The following LATS2 variants were observed in gnomAD, a reference collection of about 807,000 sequenced individuals.
LATS2 encodes large tumor suppressor kinase 2.
LATS2 carries 24 observed loss-of-function variants against 76.0 expected under a neutral mutation model. The ratio of observed to expected loss-of-function variants is 0.32; its 90% CI spans 0.23 to 0.44. LATS2 has a LOEUF of 0.44. Ranked by LOEUF, LATS2 falls within the 20% of genes least tolerant of loss-of-function variation. The pLI is 1.00. For missense variants in LATS2, 1,286 were observed against 1,481.2 expected (o/e 0.87, Z 2.16); for synonymous variants, 692 against 635.4 (o/e 1.09, Z -1.34).
At chr13:21,012,201 A>G (rs1384094736) in intron 2 of LATS2, among the ~76,000 whole-genome samples, 1 of 152,228 alleles carries the variant, frequency 6.6e-6, no homozygotes, top group Non-Finnish European at 1.5e-5. Flanking sequence ...TATCATATAA[A>G]AGATTAAAAA....
chr13:21,018,259 G>A (rs1399119075), intron 2 of LATS2: 1 of 152,204 alleles, frequency 6.6e-6, no homozygotes, highest in South Asian at 2.1e-4. Flanking sequence ...ATAAGTGAAG[G>A]CAAGTTTCCT....
rs1367601934 is a variant in LATS2 at position 20,988,921 on chromosome 13, C to T, written c.859G>A (p.Ala287Thr). Residue 287 changes from alanine (A) to threonine (T), a missense_variant, in exon 4 of 8, where the codon GCC becomes ACC. Physicochemically the swap from Ala to Thr is moderately conservative, Grantham distance 58 (BLOSUM62 0). Transcript: ENST00000382592. ...SKTPPETGGY[A>T]SLPTKGQGGP... ...CCCTGGCCCTTCGTGGGCAGGCTGGCGTAACCCCCGGTCTCCGGCGGCGTC... is the reference window on the plus strand; with the variant it reads ...CCCTGGCCCTTCGTGGGCAGGCTGGTGTAACCCCCGGTCTCCGGCGGCGTC... 2.6e-6 allele frequency: 4 copies of T among 1,522,130 alleles called. No homozygotes were observed. The highest frequency in any genetic ancestry group is 4.1e-5 in the Admixed American group (2 of 49,126). 94.3% of individuals were successfully genotyped at this position (1,522,130 alleles called of 1,614,324 possible). A position where few individuals can be genotyped will look rare whatever the true frequency, so the allele number is the denominator to read the frequency against.
chr13:20,980,559 C>T (rs2138268945), intron 6 of LATS2, among the ~76,000 whole-genome samples: 1 of 152,276 alleles, frequency 6.6e-6, no homozygotes, highest in South Asian at 2.1e-4. Flanking sequence ...TCTCTCCGTC[C>T]CACCTCTTCC....
chr13:21,050,081 C>G (rs1873213262), intron 1 of LATS2, among the ~76,000 whole-genome samples: 1 of 148,958 alleles, frequency 6.7e-6, no homozygotes, highest in Non-Finnish European at 1.5e-5. Flanking sequence ...GATTGTGCCA[C>G]TGCACTCCAG....
At chr13:21,007,563 ATATAT>A (rs1240221093) in intron 2 of LATS2, among the ~76,000 whole-genome samples, 1 of 16,712 alleles carries the variant, frequency 6.0e-5, no homozygotes, top group Non-Finnish European at 8.1e-5. Flanking sequence ...ATATATATAT[ATATAT>A]ATATATATAT....
chr13:21,032,840 G>A (rs988612587), intron 2 of LATS2, among the ~76,000 whole-genome samples: 5 of 152,162 alleles, frequency 3.3e-5, no homozygotes, highest in African/African-American at 1.2e-4. Flanking sequence ...GGTGGACCAC[G>A]GCTGGCTGGG....
Position 20,980,016 on chromosome 13 carries a change from T to C in LATS2, c.2666-219A>G, listed in dbSNP as rs140406878. Among the ~76,000 whole-genome samples the C allele has an allele frequency of 4.7e-3, 721 of 152,330 alleles. 3 individuals carry two copies. The highest frequency in any genetic ancestry group is 0.024 in the Middle Eastern group (7 of 294). ...GCTTAGGTTTTTGTATTTTTAATCATTGTAATAAGAAAATACTTTTTAATT... is the reference window on the plus strand; with the variant it reads ...GCTTAGGTTTTTGTATTTTTAATCACTGTAATAAGAAAATACTTTTTAATT... On this transcript the variant is annotated intron_variant, in intron 6 of 7. Transcript: ENST00000382592.
At chr13:21,042,307 C>T (rs1412785682) in intron 2 of LATS2, among the ~76,000 whole-genome samples, 3 of 151,862 alleles carry the variant, frequency 2.0e-5, no homozygotes, top group Non-Finnish European at 1.5e-5. Context: ...AAAAATATAC[C>T]CAAACATGCT....
intron 1 of LATS2, among the ~76,000 whole-genome samples, chr13:21,051,705 TC>T (rs752428329): frequency 3.3e-4 from 50 of 152,184 alleles, no homozygotes; most frequent in Non-Finnish European, 3.2e-4. Flanking sequence ...ACACATGTAA[TC>T]CTGGCACTTT....
At chr13:20,999,094 C>T (rs1175234041) in intron 2 of LATS2, among the ~76,000 whole-genome samples, 2 of 152,274 alleles carry the variant, frequency 1.3e-5, no homozygotes, top group African/African-American at 4.8e-5. Flanking sequence ...TGGGCAGGCG[C>T]AGCACGTGCC....
intron 1 of LATS2, among the ~76,000 whole-genome samples, chr13:21,056,160 G>A (rs1424969150): frequency 6.6e-6 from 1 of 152,112 alleles, no homozygotes; most frequent in African/African-American, 2.4e-5. Flanking sequence ...GGGGGGGGCA[G>A]GGTCTCACTC....
At chr13:21,019,744 C>A (rs1289429401) in intron 2 of LATS2, among the ~76,000 whole-genome samples, 1 of 143,776 alleles carries the variant, frequency 7.0e-6, no homozygotes, top group African/African-American at 2.6e-5. Flanking sequence ...GAGGCCGAAG[C>A]GGGTGGATCA....
rs538824643 is a variant in LATS2 at position 21,006,749 on chromosome 13, C to T, written c.343-15345G>A. On this transcript the variant is annotated intron_variant, in intron 2 of 7. Transcript: ENST00000382592. ...GTGCCTCACTGCACACACCTGTCTCCGACTGTGGGGCTTTAGGAGAGTAGC... is the reference window on the plus strand; with the variant it reads ...GTGCCTCACTGCACACACCTGTCTCTGACTGTGGGGCTTTAGGAGAGTAGC... Among the ~76,000 whole-genome samples, 9 of 152,334 alleles carry T rather than the reference C, an allele frequency of 5.9e-5. No individual in the cohort carries two copies. The South Asian group carries it at 6.2e-4, about 11-fold the overall frequency.
intron 6 of LATS2, 56 bp downstream of exon 6, chr13:20,981,410 C>T (rs546393697): frequency 1.8e-5 from 27 of 1,508,406 alleles, no homozygotes; most frequent in Non-Finnish European, 2.3e-5. Flanking sequence ...CGAGACTCAG[C>T]TCACGTCTGA....
chr13:20,977,665 C>T (rs1304758406), intron 7 of LATS2, among the ~76,000 whole-genome samples: 2 of 149,246 alleles, frequency 1.3e-5, no homozygotes, highest in Non-Finnish European at 3.0e-5. Flanking sequence ...TTTTAATTTA[C>T]CATTAAAATA....
rs1475235249 is a variant in LATS2, at chr13:21,007,757, TA to T, written c.343-16354del. 4.6e-3 allele frequency among the ~76,000 whole-genome samples: 31 copies of T among 6,738 alleles called. 6 individuals are homozygous for T. Among genetic ancestry groups the T allele is most frequent in the African/African-American group, 0.014 (30 of 2,082 alleles). The allele number at this position is 6,738 out of a possible 152,430, so 4.4% of individuals were successfully genotyped here. On this transcript the variant is annotated intron_variant, in intron 2 of 7. Transcript: ENST00000382592. ...TATAGTATATATATATATATATATATATATTTTTTTTTTTTTTTTGAGATGG... is the reference window on the plus strand; with the variant it reads ...TATAGTATATATATATATATATATATTATTTTTTTTTTTTTTTTGAGATGG...
At chr13:20,976,760 G>GT (rs1869642882) in intron 7 of LATS2, among the ~76,000 whole-genome samples, 1 of 152,066 alleles carries the variant, frequency 6.6e-6, no homozygotes, top group South Asian at 2.1e-4. Flanking sequence ...ATCCCCTAGG[G>GT]TGGCTACTAC....
intron 2 of LATS2, among the ~76,000 whole-genome samples, chr13:21,024,336 T>A (rs1459278896): frequency 1.3e-5 from 2 of 151,838 alleles, no homozygotes; most frequent in African/African-American, 4.8e-5. Context: ...CTGAGGAGAC[T>A]GAGGCAGGAG....
intron 2 of LATS2, among the ~76,000 whole-genome samples, chr13:21,043,167 G>A (rs144082538): frequency 1.2e-3 from 178 of 151,540 alleles, no homozygotes; most frequent in African/African-American, 3.8e-3. Context: ...GTGAAACCCC[G>A]TCTCTGCTAA....
Sources: gnomAD v4.1 joint callset for allele counts (sites outside exome capture counted in the v4.1 genomes callset) on GRCh38, gnomAD v4.1.1 for gene constraint, MANE v1.5 for transcripts, NCBI Gene and HGNC (gene_info 2026-07-23, HGNC 2026-07-21) for gene names.